Variants in NIPBL observed in about 807,000 individuals in gnomAD.
NIPBL encodes nipped-B-like protein.
NIPBL carries 19 observed loss-of-function variants against 321.8 expected under a neutral mutation model. That is an observed-to-expected ratio of 0.06 (90% CI 0.04 to 0.09). The LOEUF is 0.09. NIPBL is among the 10% of genes least tolerant of loss of function. The pLI is 1.00. For synonymous variants in NIPBL, 1,106 were observed against 1,114.1 expected, an observed-to-expected ratio of 0.99 and a Z score of 0.14; for missense variants, 2,210 against 3,327.0, an observed-to-expected ratio of 0.66 and a Z score of 8.26.
At chr5:37,002,902 AAATGAGTT>A in intron 15 of NIPBL, 137 bp downstream of exon 15, 1 of 615,350 alleles carries the variant, frequency 1.6e-6, no homozygotes, top group South Asian at 2.2e-5. Context: ...CTGAGAGTCT[AAATGAGTT>A]TTTTTGTTTT....
chr5:37,003,254 A>G lies in NIPBL; in HGVS notation c.3769-7A>G. 3 of 1,508,654 alleles carry G rather than the reference A, an allele frequency of 2.0e-6. No individual in the cohort carries two copies. The highest frequency in any genetic ancestry group is 2.3e-5 in the South Asian group (2 of 88,814). 93.5% of individuals were successfully genotyped at this position (1,508,654 alleles called of 1,614,324 possible). On this transcript the variant is annotated splice_region_variant and splice_polypyrimidine_tract_variant and intron_variant, in intron 15 of 46. Coordinates refer to ENST00000282516, the MANE Select transcript of NIPBL (RefSeq NM_133433.4). ...CGATTGATAAAGAATTTATATTGCTATTTTAGCTTTCAACTGACAAAACTG... is the reference window on the plus strand; with the variant it reads ...CGATTGATAAAGAATTTATATTGCTGTTTTAGCTTTCAACTGACAAAACTG...
chr5:37,026,268 C>A lies in NIPBL; in HGVS notation c.5749C>A (p.Pro1917Thr). ...AACATTCCAGAAACTCTGGTTTACT[C>A]CAACTCCACACAATGACAAAGAAGC... ...NETFQKLWFTPTPHNDKEAMT... is the reference protein window; with the variant it reads ...NETFQKLWFTTTPHNDKEAMT... Residue 1917 changes from proline (P) to threonine (T), a missense_variant, in exon 31 of 47, where the codon CCA (proline) becomes ACA (threonine). Coordinates refer to ENST00000282516, the MANE Select transcript of NIPBL (RefSeq NM_133433.4). 1 of 1,611,770 alleles carries A rather than the reference C, an allele frequency of 6.2e-7. No individual in the cohort carries two copies. Among genetic ancestry groups the A allele is most frequent in the South Asian group, 1.1e-5 (1 of 90,890 alleles).
chr5:37,057,406 C>A, intron 43 of NIPBL, 74 bp downstream of exon 43: 1 of 1,410,534 alleles, frequency 7.1e-7, no homozygotes, highest in South Asian at 1.2e-5. Context: ...TTTTGTTTCT[C>A]ATTATTCTTT....
chr5:36,956,511 G>A (rs2149600887), intron 3 of NIPBL, among the ~76,000 whole-genome samples: 1 of 151,376 alleles, frequency 6.6e-6, no homozygotes, highest in South Asian at 2.1e-4. Context: ...TTACTAAATG[G>A]ATTTTCTAAT....
chr5:36,909,246 G>A (rs891720632), intron 1 of NIPBL, among the ~76,000 whole-genome samples: 5 of 152,160 alleles, frequency 3.3e-5, no homozygotes, highest in African/African-American at 9.7e-5. Flanking sequence ...AATTGGTCTA[G>A]TCCTTTGAAG....
chr5:36,918,807 G>T (rs889385475), intron 1 of NIPBL, among the ~76,000 whole-genome samples: 1 of 152,088 alleles, frequency 6.6e-6, no homozygotes, highest in Non-Finnish European at 1.5e-5. Context: ...CTTTGGTTCT[G>T]TTTATATGAT....
chr5:36,999,262 T>G (rs1022317512), intron 11 of NIPBL, among the ~76,000 whole-genome samples: 1 of 152,216 alleles, frequency 6.6e-6, no homozygotes, highest in Non-Finnish European at 1.5e-5. Flanking sequence ...TTTGTGTATT[T>G]ATCATAGTTA....
rs775080703 is a variant in NIPBL at position 36,984,735 on chromosome 5, G to A, written c.1555G>A (p.Gly519Arg). Residue 519 changes from glycine to arginine, a missense_variant, in exon 10 of 47, where the codon GGA (glycine) becomes AGA (arginine). Coordinates refer to ENST00000282516, the MANE Select transcript of NIPBL (RefSeq NM_133433.4). Reference protein sequence around the residue: ...SYPQEAGGATGGNRPASQETG... With the variant: ...SYPQEAGGATRGNRPASQETG... The stretch of plus-strand genomic sequence containing the variant: ...CCCACAGGAGGCTGGGGGTGCTACA[G>A]GAGGTAATAGACCAGCTTCTCAGGA... The A allele has an allele frequency of 6.2e-7, 1 of 1,613,544 alleles. No individual in the cohort carries two copies. Among genetic ancestry groups the A allele is most frequent in the South Asian group, 1.1e-5 (1 of 91,010 alleles).
chr5:36,896,892 A>C (rs140449927), intron 1 of NIPBL, among the ~76,000 whole-genome samples: 11 of 151,934 alleles, frequency 7.2e-5, no homozygotes, highest in Admixed American at 7.2e-4. Context: ...GACCCACCAC[A>C]CCTGGCCAGT....
intron 10 of NIPBL, among the ~76,000 whole-genome samples, chr5:36,989,034 T>C (rs1305021165): frequency 6.6e-6 from 1 of 152,204 alleles, no homozygotes; most frequent in Non-Finnish European, 1.5e-5. Flanking sequence ...ATAAATCATA[T>C]TTAATGCCTA....
At chr5:37,024,813 C>A in intron 30 of NIPBL, 94 bp downstream of exon 30, 1 of 956,690 alleles carries the variant, frequency 1.0e-6, no homozygotes, top group Non-Finnish European at 1.6e-6. Flanking sequence ...TATATCCAAA[C>A]ACTTTACAAT....
At chr5:37,031,802 T>C (rs1190353801) in intron 32 of NIPBL, among the ~76,000 whole-genome samples, 2 of 152,136 alleles carry the variant, frequency 1.3e-5, no homozygotes, top group Admixed American at 6.5e-5. Context: ...TACAGCAACA[T>C]AGATAAATAA....
intron 3 of NIPBL, 55 bp downstream of exon 3, chr5:36,955,692 G>C: frequency 7.1e-7 from 1 of 1,405,570 alleles, no homozygotes; most frequent in Non-Finnish European, 1.0e-6. Flanking sequence ...GCCTTACTAA[G>C]AGAATCCGTA....
intron 1 of NIPBL, among the ~76,000 whole-genome samples, chr5:36,952,767 A>G (rs1178062638): frequency 6.6e-6 from 1 of 152,260 alleles, no homozygotes. Context: ...CATATTGATT[A>G]TGTGACTTGT....
At chr5:37,051,624 T>G in intron 40 of NIPBL, 155 bp from the exon 41 acceptor site, 1 of 628,866 alleles carries the variant, frequency 1.6e-6, no homozygotes, top group African/African-American at 1.8e-5. Flanking sequence ...TCTCAAAAGA[T>G]CTGTCATTTT....
Position 37,038,807 on chromosome 5 carries a change from A to G in NIPBL, c.6108+69A>G, listed in dbSNP as rs916886127. ...TAAGTGCTTTAAATTTAGAGTTCACATGCGTCAACCACATTCTCACTGACA... is the reference window on the plus strand; with the variant it reads ...TAAGTGCTTTAAATTTAGAGTTCACGTGCGTCAACCACATTCTCACTGACA... On this transcript the variant is annotated intron_variant, in intron 34 of 46. Coordinates refer to ENST00000282516, the MANE Select transcript of NIPBL (RefSeq NM_133433.4). The G allele has an allele frequency of 6.6e-5, 98 of 1,490,700 alleles. No individual in the cohort carries two copies. In the Middle Eastern group the frequency reaches 6.9e-4, roughly 10 times the overall value. The allele number at this position is 1,490,700 out of a possible 1,614,324, so 92.3% of individuals were successfully genotyped here. A position where few individuals can be genotyped will look rare whatever the true frequency, so the allele number is the denominator to read the frequency against.
intron 6 of NIPBL, among the ~76,000 whole-genome samples, chr5:36,963,678 T>A (rs1267253459): frequency 6.6e-6 from 1 of 151,882 alleles, no homozygotes; most frequent in Non-Finnish European, 1.5e-5. Flanking sequence ...GGCATTTACT[T>A]GTAGTCCCAG....
At chr5:36,969,718 G>T (rs1156930216) in intron 6 of NIPBL, among the ~76,000 whole-genome samples, 2 of 152,166 alleles carry the variant, frequency 1.3e-5, no homozygotes, top group Non-Finnish European at 2.9e-5. Flanking sequence ...CACAAGAGAA[G>T]ATGCTTGGCT....
intron 45 of NIPBL, among the ~76,000 whole-genome samples, chr5:37,063,172 C>T (rs923739634): frequency 1.3e-5 from 2 of 151,994 alleles, no homozygotes; most frequent in Non-Finnish European, 2.9e-5. Context: ...AACCCCATTT[C>T]TATTTTTCTT....
Sources: allele counts gnomAD v4.1 joint callset (sites outside exome capture counted in the v4.1 genomes callset), GRCh38; gene constraint gnomAD v4.1.1; transcripts MANE v1.5; gene names NCBI Gene and HGNC (gene_info 2026-07-23, HGNC 2026-07-21).